CRPPA: variants seen among roughly 807,000 people sequenced by gnomAD.
The protein encoded by CRPPA is CDP-L-ribitol pyrophosphorylase A, also known as D-ribitol-5-phosphate cytidylyltransferase.
Under a neutral mutation model 52.0 loss-of-function variants are expected in CRPPA, and 43 were observed. The observed-to-expected ratio is 0.83, with a 90% CI of 0.65 to 1.07. CRPPA has a LOEUF of 1.07. Ranked by LOEUF, CRPPA falls within the 50% of genes least tolerant of loss-of-function variation. The pLI, the probability that CRPPA is intolerant of heterozygous loss-of-function variation, is 0.00. For missense variants in CRPPA, 629 were observed against 551.7 expected, an observed-to-expected ratio of 1.14 and a Z score of -1.40; for synonymous variants, 250 against 203.5, an observed-to-expected ratio of 1.23 and a Z score of -1.94.
intron 9 of CRPPA, among the ~76,000 whole-genome samples, chr7:16,188,812 G>C (rs1055342284): frequency 1.3e-5 from 2 of 152,106 alleles, no homozygotes; most frequent in Non-Finnish European, 2.9e-5. Context: ...AATTTGAAGA[G>C]CAGCATGGGA....
chr7:16,420,528 A>C (rs908675935), intron 1 of CRPPA, among the ~76,000 whole-genome samples: 2 of 152,256 alleles, frequency 1.3e-5, no homozygotes, highest in African/African-American at 4.8e-5. Flanking sequence ...TTCAGGCTTA[A>C]AGCCCTTTCC....
intron 3 of CRPPA, among the ~76,000 whole-genome samples, chr7:16,323,257 A>G (rs968312513): frequency 6.6e-6 from 1 of 152,192 alleles, no homozygotes; most frequent in Non-Finnish European, 1.5e-5. Context: ...ATTTAATGTC[A>G]AAGGGATATG....
At chr7:16,173,524 C>T (rs184594134) in intron 9 of CRPPA, among the ~76,000 whole-genome samples, 2 of 152,266 alleles carry the variant, frequency 1.3e-5, no homozygotes, top group East Asian at 1.9e-4. Flanking sequence ...CAACCTACTA[C>T]GTGGACCACT....
chr7:16,300,214 A>C (rs1237178654), intron 5 of CRPPA, among the ~76,000 whole-genome samples: 3 of 152,224 alleles, frequency 2.0e-5, no homozygotes, highest in Admixed American at 6.5e-5. Flanking sequence ...TAAACAACAA[A>C]TACATTGTCA....
intron 6 of CRPPA, among the ~76,000 whole-genome samples, chr7:16,262,549 T>A (rs964300340): frequency 6.6e-6 from 1 of 152,204 alleles, no homozygotes; most frequent in Non-Finnish European, 1.5e-5. Context: ...TTATCCAGGT[T>A]TACTTCTTAT....
chr7:16,269,417 G>A (rs1449058144), intron 6 of CRPPA: 1 of 152,134 alleles, frequency 6.6e-6, no homozygotes. Context: ...AAAAGAGGTA[G>A]AAGACTAATC....
At position 16,089,360 on chromosome 7, in the gene CRPPA, A is replaced by G. The variant is rs916523747; in HGVS notation, c.*2335T>C. On this transcript the variant is annotated 3_prime_UTR_variant, in exon 10 of 10. Transcript: ENST00000407010. Reference sequence around the variant, plus strand: ...TGTGTATGCGTACGTATATACATACATACATGCATGTACATATATACGTAT... The same window carrying G: ...TGTGTATGCGTACGTATATACATACGTACATGCATGTACATATATACGTAT... The G allele has an allele frequency of 3.2e-6, 1 of 316,576 alleles. No homozygotes were observed. The highest frequency in any genetic ancestry group is 7.2e-6 in the Non-Finnish European group (1 of 139,550). 19.6% of individuals were successfully genotyped at this position (316,576 alleles called of 1,614,324 possible).
At chr7:16,262,002 G>A (rs1401014046) in intron 6 of CRPPA, 2 of 152,064 alleles carry the variant, frequency 1.3e-5, no homozygotes, top group East Asian at 1.9e-4. Flanking sequence ...GTAGATATAT[G>A]AGGTTGGACT....
chr7:16,250,562 C>T (rs1268706853), intron 8 of CRPPA, among the ~76,000 whole-genome samples: 1 of 152,106 alleles, frequency 6.6e-6, no homozygotes, highest in Non-Finnish European at 1.5e-5. Context: ...AGAGTGGGGG[C>T]CAATATTCAA....
chr7:16,324,676 T>C (rs1785339253), intron 3 of CRPPA, among the ~76,000 whole-genome samples: 1 of 152,196 alleles, frequency 6.6e-6, no homozygotes, highest in Non-Finnish European at 1.5e-5. Flanking sequence ...ACTACACTCT[T>C]TAAATCACTA....
At chr7:16,413,371 C>T (rs1788116533) in intron 1 of CRPPA, among the ~76,000 whole-genome samples, 1 of 152,120 alleles carries the variant, frequency 6.6e-6, no homozygotes, top group African/African-American at 2.4e-5. Context: ...ATCATCTGAC[C>T]TGTACAAAAT....
At chr7:16,193,360 C>T (rs1270041731) in intron 9 of CRPPA, among the ~76,000 whole-genome samples, 1 of 151,474 alleles carries the variant, frequency 6.6e-6, no homozygotes, top group African/African-American at 2.4e-5. Context: ...TTATATTGAC[C>T]TTATATTTAA....
At chr7:16,293,160 G>C (rs891838358) in intron 5 of CRPPA, among the ~76,000 whole-genome samples, 2 of 151,822 alleles carry the variant, frequency 1.3e-5, no homozygotes, top group Non-Finnish European at 2.9e-5. Context: ...AGATCCTCAA[G>C]CAGGTGGGCA....
chr7:16,345,785 C>A (rs578020343), intron 3 of CRPPA, among the ~76,000 whole-genome samples: 1 of 152,100 alleles, frequency 6.6e-6, no homozygotes, highest in Admixed American at 6.6e-5. Flanking sequence ...GTACAATTAT[C>A]TTTTTATACA....
chr7:16,089,862 G>C lies in CRPPA; in HGVS notation c.*1833C>G, dbSNP rs1014913857. ...GCACTCCAGCGATCAGGGTGATTTT[G>C]CTGTGCCACAAATATGCCCAGTTTA... is the stretch of plus-strand genomic sequence containing the variant. On this transcript the variant is annotated 3_prime_UTR_variant, in exon 10 of 10. Coordinates refer to ENST00000407010, the MANE Select transcript of CRPPA (RefSeq NM_001101426.4). The C allele has an allele frequency of 1.2e-5, 2 of 162,948 alleles. No individual in the cohort carries two copies. Among genetic ancestry groups the C allele is most frequent in the South Asian group, 3.0e-4 (2 of 6,668 alleles). 10.1% of individuals were successfully genotyped at this position (162,948 alleles called of 1,614,324 possible). A position where few individuals can be genotyped will look rare whatever the true frequency, so the allele number is the denominator to read the frequency against.
rs117469778 is a variant in CRPPA at position 16,325,729 on chromosome 7, C to A, written c.685-17102G>T. On this transcript the variant is annotated intron_variant, in intron 3 of 9. Coordinates refer to ENST00000407010, the MANE Select transcript of CRPPA (RefSeq NM_001101426.4). Reference sequence around the variant, plus strand: ...ATTTAAAATCTCCATAATGGCTCATCATCTGCTTGAACTGTGATGGAATCT... The same window carrying A: ...ATTTAAAATCTCCATAATGGCTCATAATCTGCTTGAACTGTGATGGAATCT... Among the ~76,000 whole-genome samples, 280 of 152,168 alleles carry A rather than the reference C, an allele frequency of 1.8e-3. 12 individuals are homozygous for A. In the East Asian group the frequency reaches 0.042, roughly 23 times the overall value.
At chr7:16,138,101 T>C (rs961996145) in intron 9 of CRPPA, among the ~76,000 whole-genome samples, 4 of 152,198 alleles carry the variant, frequency 2.6e-5, no homozygotes, top group Non-Finnish European at 5.9e-5. Flanking sequence ...TAAAAGATCA[T>C]AAACTATGTC....
chr7:16,149,921 A>T (rs543294148), intron 9 of CRPPA, among the ~76,000 whole-genome samples: 10 of 151,782 alleles, frequency 6.6e-5, no homozygotes, highest in Admixed American at 6.6e-4. Context: ...GGGAGGCGGA[A>T]GTTGCAGTGA....
In CRPPA at chr7:16,381,879, G is replaced by A. The variant is rs1231921415; in HGVS notation, c.535-5638C>T. Among the ~76,000 whole-genome samples the A allele has an allele frequency of 7.2e-5, 11 of 152,140 alleles. No individual in the cohort carries two copies. The East Asian group carries it at 2.1e-3, about 29-fold the overall frequency. On this transcript the variant is annotated intron_variant, in intron 2 of 9. Coordinates refer to ENST00000407010, the MANE Select transcript of CRPPA (RefSeq NM_001101426.4). ...CTCCATCCTTTTATTTTGAGCCTATGTGTGTCTCTGCACATGAGATGGGTT... is the reference window on the plus strand; with the variant it reads ...CTCCATCCTTTTATTTTGAGCCTATATGTGTCTCTGCACATGAGATGGGTT...
Sources: allele counts gnomAD v4.1 joint callset (sites outside exome capture counted in the v4.1 genomes callset), GRCh38; gene constraint gnomAD v4.1.1; transcripts MANE v1.5; gene names NCBI Gene and HGNC (gene_info 2026-07-23, HGNC 2026-07-21).